The following CPXM1 variants were observed in gnomAD, a reference collection of about 807,000 sequenced individuals.
The protein encoded by CPXM1 is carboxypeptidase X, M14 family member 1, also known as probable carboxypeptidase X1.
In CPXM1, 72 loss-of-function variants were observed where a neutral mutation model predicts 80.4. The ratio of observed to expected loss-of-function variants is 0.90; its 90% confidence interval spans 0.74 to 1.09. The LOEUF (loss-of-function observed/expected upper bound fraction) is 1.09, where lower values mean the gene tolerates loss of function less well. Among genes scored for constraint, CPXM1 ranks in the 50% least tolerant of loss-of-function variants. The pLI, the probability that CPXM1 is intolerant of heterozygous loss-of-function variation, is 0.00. For missense variants in CPXM1, 892 were observed against 999.4 expected (o/e 0.89, Z 1.45); for synonymous variants, 403 against 405.6 (o/e 0.99, Z 0.08).
intron 3 of CPXM1, 22 bp from the exon 4 acceptor site, chr20:2,798,313 G>A: frequency 6.2e-7 from 1 of 1,612,980 alleles, no homozygotes; most frequent in Non-Finnish European, 8.5e-7. Flanking sequence ...GGACATGGTG[G>A]TCAGGCCCAG....
rs370593846 is a variant in CPXM1, at chr20:2,794,469, T to C, written c.1964-38A>G. On this transcript the variant is annotated intron_variant, in intron 13 of 13. Coordinates refer to ENST00000380605, the MANE Select transcript of CPXM1 (RefSeq NM_019609.5). The surrounding 1 kb of genome is among the most constrained non-coding windows in gnomAD (Gnocchi z 5.2). The stretch of plus-strand genomic sequence containing the variant: ...AAGGGCACGATCAGGACCCAATTAA[T>C]GATCTTCTGCTTCTTCCCGAGCCTC... 14 of 1,613,482 alleles carry C rather than the reference T, an allele frequency of 8.7e-6. No homozygotes were observed. In the East Asian group the frequency reaches 1.6e-4, roughly 18 times the overall value.
At chr20:2,799,437 T>G (rs1410825442) in intron 1 of CPXM1, among the ~76,000 whole-genome samples, 1 of 152,136 alleles carries the variant, frequency 6.6e-6, no homozygotes, top group African/African-American at 2.4e-5. Context: ...TCTGCCTGGG[T>G]GTCGAGGCTT....
chr20:2,798,484 C>T lies in CPXM1; in HGVS notation c.394G>A (p.Ala132Thr), dbSNP rs761333983. 1.3e-5 allele frequency: 21 copies of T among 1,614,020 alleles called. No homozygotes were observed. The highest frequency in any genetic ancestry group is 3.3e-5 in the Admixed American group (2 of 60,006). ...SLRVSDSRLE[A>T]SSSQSFGLGP... is the part of the protein sequence containing the mutation. ...AGACCAAAGGACTGGCTGCTGGATG[C>T]CTCAAGCCGGCTATCTGAAACTCGC... Residue 132 changes from alanine (A) to threonine (T), a missense_variant, in exon 3 of 14, where the codon GCA becomes ACA. Around this residue, in one of 2 missense-constraint regions of CPXM1, gnomAD observed 874 missense variants for 958.4 expected, o/e 0.91. Coordinates refer to ENST00000380605, the MANE Select transcript of CPXM1 (RefSeq NM_019609.5).
In CPXM1 at chr20:2,795,308, T is replaced by C. The variant is rs1434343273; in HGVS notation, c.1829A>G (p.Asn610Ser). 2 of 1,613,988 alleles carry C rather than the reference T, an allele frequency of 1.2e-6. No individual in the cohort carries two copies. Among genetic ancestry groups the C allele is most frequent in the African/African-American group, 2.7e-5 (2 of 74,920 alleles). Residue 610 changes from asparagine (N) to serine (S), a missense_variant, in exon 12 of 14, where the codon AAC becomes AGC. Physicochemically the swap from Asn to Ser is conservative, Grantham distance 46. Transcript: ENST00000380605. This position sits in a 1 kb window ranked among gnomAD's most constrained non-coding sequence, Gnocchi z 5.4. ...ENELPQEWEN[N>S]KDALLTYLEQ... ...CAGGTAGGTGAGGAGGGCGTCTTTG[T>C]TGTTCTCCCACTCCTGGGGCAATTC...
In CPXM1 at chr20:2,797,033, C is replaced by T; in HGVS notation, c.894G>A (p.Gln298=). The part of the protein sequence containing the change: ...ASGSSDPLDF[Q]HHNYKAMRKL... ...TCCTCATGGCCTTGTAATTGTGATG[C>T]TGAAAGTCTAGAGGGTCAGAGGATC... The change falls in exon 7 of 14, where the codon CAG becomes CAA. Residue 298 remains glutamine (Q), a synonymous_variant. Coordinates refer to ENST00000380605, the MANE Select transcript of CPXM1 (RefSeq NM_019609.5). 6.2e-7 allele frequency: 1 copy of T among 1,614,036 alleles called. No homozygotes were observed. The highest frequency in any genetic ancestry group is 8.5e-7 in the Non-Finnish European group (1 of 1,179,956).
rs531582151 is a variant in CPXM1 at position 2,794,800 on chromosome 20, G to T, written c.1861-161C>A. 6.6e-6 allele frequency among the ~76,000 whole-genome samples: 1 copy of T among 151,884 alleles called. No homozygotes were observed. On this transcript the variant is annotated intron_variant, in intron 12 of 13. Transcript: ENST00000380605. This position sits in a 1 kb window ranked among gnomAD's most constrained non-coding sequence, Gnocchi z 5.2. Reference sequence around the variant, plus strand: ...GGAAGAAAAAAAAAAAAGAAATCCTGATTGACAAATCACATCTGGACTAAG... The same window carrying T: ...GGAAGAAAAAAAAAAAAGAAATCCTTATTGACAAATCACATCTGGACTAAG...
chr20:2,795,519 C>A lies in CPXM1; in HGVS notation c.1720+80G>T, dbSNP rs892951831. 3.8e-6 allele frequency: 6 copies of A among 1,586,590 alleles called. No homozygotes were observed. The highest frequency in any genetic ancestry group is 5.2e-6 in the Non-Finnish European group (6 of 1,163,232). On this transcript the variant is annotated intron_variant, in intron 11 of 13. Coordinates refer to ENST00000380605, the MANE Select transcript of CPXM1 (RefSeq NM_019609.5). The surrounding 1 kb of genome is among the most constrained non-coding windows in gnomAD (Gnocchi z 5.4). The stretch of plus-strand genomic sequence containing the variant: ...GACACTTCAGAGTGGGAACAGACGC[C>A]AGCACTGTACGCAACCGCAGGCTGT...
Position 2,800,556 on chromosome 20 carries a change from A to C in CPXM1, c.17T>G (p.Leu6Arg). ...GGCCGGCGCGAAGGCGGCCAGGGCG[A>C]GCAGGAGCCCCCACATGGCGGGGAT... is the stretch of plus-strand genomic sequence containing the variant. MWGLL[L>R]ALAAFAPAVG... The change falls in exon 1 of 14, where the codon CTC becomes CGC. Residue 6 changes from leucine to arginine, a missense_variant. Physicochemically the swap from Leu to Arg is moderately radical, Grantham distance 102. Coordinates refer to ENST00000380605, the MANE Select transcript of CPXM1 (RefSeq NM_019609.5). The C allele has an allele frequency of 7.4e-7, 1 of 1,344,248 alleles. No homozygotes were observed. Among genetic ancestry groups the C allele is most frequent in the Non-Finnish European group, 9.5e-7 (1 of 1,052,862 alleles). The allele number at this position is 1,344,248 out of a possible 1,614,324, so 83.3% of individuals were successfully genotyped here.
At position 2,795,404 on chromosome 20, in the gene CPXM1, A is replaced by AATTC; in HGVS notation, c.1732_1733insGAAT (p.Phe578Ter). On this transcript the variant is annotated stop_gained and frameshift_variant, in exon 12 of 14. Transcript: ENST00000380605. LOFTEE classifies it high-confidence loss of function. The surrounding 1 kb of genome is among the most constrained non-coding windows in gnomAD (Gnocchi z 5.4). ...AAAGCAGTTGGTGTGTAGGTAGCTG[A>AATTC]AGTCATTCATGCCTAAGGGGACCAC... 6.2e-7 allele frequency: 1 copy of AATTC among 1,614,052 alleles called. No homozygotes were observed. The highest frequency in any genetic ancestry group is 1.1e-5 in the South Asian group (1 of 91,074).
In CPXM1 at chr20:2,798,280, C is replaced by T; in HGVS notation, c.462G>A (p.Glu154=). 1 of 1,613,898 alleles carries T rather than the reference C, an allele frequency of 6.2e-7. No individual in the cohort carries two copies. Among genetic ancestry groups the T allele is most frequent in the Non-Finnish European group, 8.5e-7 (1 of 1,179,990 alleles). Residue 154 remains glutamate (E), a synonymous_variant, in exon 4 of 14, where the codon GAG becomes GAA. Coordinates refer to ENST00000380605, the MANE Select transcript of CPXM1 (RefSeq NM_019609.5). ...RGRLNIQSGL[E]DGDLYDGAWC... ...AGGCTCCATCATATAGATCGCCGTC[C>T]TCCAGGCCTGACTGCAGACACAGGA...
At position 2,796,819 on chromosome 20, in the gene CPXM1, TG is replaced by T. The variant is rs1430463194; in HGVS notation, c.922-170del. Among the ~76,000 whole-genome samples the T allele has an allele frequency of 3.3e-5, 5 of 150,268 alleles. No individual in the cohort carries two copies. In the East Asian group the frequency reaches 9.8e-4, roughly 29 times the overall value. ...CAGAGCCGGGAGGAAGGGGTAGGAC[TG>T]GGGGGGCGCCATAATAAGGGAAAGT... On this transcript the variant is annotated intron_variant, in intron 7 of 13. Coordinates refer to ENST00000380605, the MANE Select transcript of CPXM1 (RefSeq NM_019609.5). The surrounding 1 kb of genome is among the most constrained non-coding windows in gnomAD (Gnocchi z 6.8).
rs7348049 is a variant in CPXM1 at position 2,798,639 on chromosome 20, C to T, written c.340+87G>A. On this transcript the variant is annotated intron_variant, in intron 2 of 13. Coordinates refer to ENST00000380605, the MANE Select transcript of CPXM1 (RefSeq NM_019609.5). ...GCTCCTGCGCTAGGCAAGCAAGGGG[C>T]GTGCCGGTGCCCATGAGGCCAAGAG... 22 of 1,546,006 alleles carry T rather than the reference C, an allele frequency of 1.4e-5. No homozygotes were observed. In the African/African-American group the frequency reaches 1.8e-4, roughly 12 times the overall value.
Position 2,795,560 on chromosome 20 carries a change from G to A in CPXM1, c.1720+39C>T. 1.2e-6 allele frequency: 2 copies of A among 1,601,350 alleles called. No individual in the cohort carries two copies. The highest frequency in any genetic ancestry group is 2.2e-5 in the East Asian group (1 of 44,612). On this transcript the variant is annotated intron_variant, in intron 11 of 13. Coordinates refer to ENST00000380605, the MANE Select transcript of CPXM1 (RefSeq NM_019609.5). The surrounding 1 kb of genome is among the most constrained non-coding windows in gnomAD (Gnocchi z 5.4). Reference sequence around the variant, plus strand: ...CGCAGGCTGTCTTATCAGGGCGGGGGTTACGGGGCCAGGGCTAACTCCACC... The same window carrying A: ...CGCAGGCTGTCTTATCAGGGCGGGGATTACGGGGCCAGGGCTAACTCCACC...
Position 2,796,460 on chromosome 20 carries a change from G to T in CPXM1, c.1046-17C>A. On this transcript the variant is annotated splice_polypyrimidine_tract_variant and intron_variant, in intron 8 of 13. Transcript: ENST00000380605. The surrounding 1 kb of genome is among the most constrained non-coding windows in gnomAD (Gnocchi z 6.8). ...CAGGCTCCCCTGGGGACACATGGGG[G>T]CTTGCAGCGGGTTCATGCCTGGGGC... 19 of 1,613,486 alleles carry T rather than the reference G, an allele frequency of 1.2e-5. No homozygotes were observed. Among genetic ancestry groups the T allele is most frequent in the Non-Finnish European group, 1.5e-5 (18 of 1,179,616 alleles).
In CPXM1 at chr20:2,796,579, GC is replaced by G; in HGVS notation, c.992del (p.Gly331AlafsTer2). 6.2e-7 allele frequency: 1 copy of G among 1,614,140 alleles called. No homozygotes were observed. Among genetic ancestry groups the G allele is most frequent in the Non-Finnish European group, 8.5e-7 (1 of 1,180,006 alleles). ...ACATTTCCATCACATACAGCTTCAG[GC>G]CCTGGTAGCTCTTCCCAATGCTGTA... is the stretch of plus-strand genomic sequence containing the variant. ...RIYSIGKSYQ[G>X]LKLYVMEMSD... On this transcript the variant is annotated frameshift_variant, in exon 8 of 14. Transcript: ENST00000380605. LOFTEE classifies it high-confidence loss of function. The surrounding 1 kb of genome is among the most constrained non-coding windows in gnomAD (Gnocchi z 6.8).
chr20:2,800,160 C>A (rs545213178), intron 1 of CPXM1, among the ~76,000 whole-genome samples: 2 of 149,074 alleles, frequency 1.3e-5, no homozygotes, highest in African/African-American at 2.5e-5. Context: ...TGTGAGTGTG[C>A]GTGTGTGTGC....
chr20:2,795,408 C>T lies in CPXM1; in HGVS notation c.1729G>A (p.Asp577Asn). The T allele has an allele frequency of 6.2e-7, 1 of 1,614,042 alleles. No homozygotes were observed. The highest frequency in any genetic ancestry group is 8.5e-7 in the Non-Finnish European group (1 of 1,179,950). The change falls in exon 12 of 14, where the codon GAC becomes AAC. Residue 577 changes from aspartate to asparagine, a missense_variant. Coordinates refer to ENST00000380605, the MANE Select transcript of CPXM1 (RefSeq NM_019609.5). This position sits in a 1 kb window ranked among gnomAD's most constrained non-coding sequence, Gnocchi z 5.4. ...DWHTVPGSMNDFSYLHTNCFE... is the reference protein window; with the variant it reads ...DWHTVPGSMNNFSYLHTNCFE... Reference sequence around the variant, plus strand: ...CAGTTGGTGTGTAGGTAGCTGAAGTCATTCATGCCTAAGGGGACCACAGAC... The same window carrying T: ...CAGTTGGTGTGTAGGTAGCTGAAGTTATTCATGCCTAAGGGGACCACAGAC...
intron 1 of CPXM1, 47 bp downstream of exon 1, chr20:2,800,354 C>T: frequency 1.4e-6 from 2 of 1,457,902 alleles, no homozygotes; most frequent in East Asian, 2.8e-5. Flanking sequence ...GCAGGAGAGC[C>T]GGGCAGTCGG....
Position 2,798,719 on chromosome 20 carries a change from G to C in CPXM1, c.340+7C>G. ...AAGTCTGGGCTGGGCCCCTGGAGAGGAAGTACCTGTTTCTTGTTTCTCAGC... is the reference window on the plus strand; with the variant it reads ...AAGTCTGGGCTGGGCCCCTGGAGAGCAAGTACCTGTTTCTTGTTTCTCAGC... On this transcript the variant is annotated splice_region_variant and intron_variant, in intron 2 of 13. Transcript: ENST00000380605. 6.2e-7 allele frequency: 1 copy of C among 1,609,812 alleles called. No individual in the cohort carries two copies. Among genetic ancestry groups the C allele is most frequent in the Admixed American group, 1.7e-5 (1 of 59,714 alleles).
Sources: gnomAD v4.1 joint callset for allele counts (sites outside exome capture counted in the v4.1 genomes callset) on GRCh38, gnomAD v4.1.1 for gene constraint, gnomAD v4.1.1 regional missense constraint, Gnocchi (gnomAD v3.1) non-coding constraint, MANE v1.5 for transcripts, NCBI Gene and HGNC (gene_info 2026-07-23, HGNC 2026-07-21) for gene names.